The following ZNF296 variants were observed in gnomAD, a reference collection of about 807,000 sequenced individuals.
ZNF296 encodes zinc finger protein 342.
A neutral mutation model predicts 13.2 loss-of-function variants in ZNF296; 1 was observed. The ratio of observed to expected loss-of-function variants is 0.08; its 90% CI spans 0.03 to 0.36. ZNF296 has a LOEUF of 0.36. ZNF296 is among the 10% of genes least tolerant of loss of function. The pLI, the probability that ZNF296 is intolerant of heterozygous loss-of-function variation, is 0.99. For synonymous variants in ZNF296, 303 were observed against 289.0 expected (o/e 1.05, Z -0.49); for missense variants, 555 against 688.2 (o/e 0.81, Z 2.16).
Position 45,076,020 on chromosome 19 carries a change from G to C in ZNF296, c.298+56C>G, listed in dbSNP as rs1967340357. The C allele has an allele frequency of 1.9e-6, 3 of 1,570,496 alleles. No individual in the cohort carries two copies. Among genetic ancestry groups the C allele is most frequent in the Non-Finnish European group, 2.6e-6 (3 of 1,163,048 alleles). Reference sequence around the variant, plus strand: ...GAGGGGCCCATGCCCAAAGGGAAGGGTCCCACCCGAGGGTCAAAGGTAAGG... The same window carrying C: ...GAGGGGCCCATGCCCAAAGGGAAGGCTCCCACCCGAGGGTCAAAGGTAAGG... On this transcript the variant is annotated intron_variant, in intron 1 of 2. Coordinates refer to ENST00000303809, the MANE Select transcript of ZNF296 (RefSeq NM_145288.3). The surrounding 1 kb of genome is among the most constrained non-coding windows in gnomAD (Gnocchi z 4.9).
rs1965643855 is a variant in ZNF296, at chr19:45,071,787, G to A, written c.1242C>T (p.Tyr414=). 4 of 1,611,246 alleles carry A rather than the reference G, an allele frequency of 2.5e-6. No individual in the cohort carries two copies. Among genetic ancestry groups the A allele is most frequent in the Admixed American group, 1.7e-5 (1 of 59,664 alleles). ...HRRSHTGERP[Y]TCEFCNYACA... ...AGGCGTAGTTGCAGAACTCACAGGT[G>A]TAGGGGCGCTCCCCGGTGTGTGAGC... The change falls in exon 3 of 3, where the codon TAC becomes TAT. Residue 414 remains tyrosine, a synonymous_variant. Transcript: ENST00000303809.
Position 45,071,906 on chromosome 19 carries a change from G to C in ZNF296, c.1123C>G (p.Pro375Ala). ...NSQKASPKKM[P>A]KSGGKSRGPG... The stretch of plus-strand genomic sequence containing the variant: ...CCGCGGCTCTTGCCCCCTGACTTGG[G>C]CATCTTTTTGGGTGATGCCTTCTGG... The change falls in exon 3 of 3, where the codon CCC (proline) becomes GCC (alanine). Residue 375 changes from proline to alanine, a missense_variant. By Grantham distance (27) the Pro-to-Ala change is conservative. Transcript: ENST00000303809. 1 of 1,613,494 alleles carries C rather than the reference G, an allele frequency of 6.2e-7. No homozygotes were observed. The highest frequency in any genetic ancestry group is 8.5e-7 in the Non-Finnish European group (1 of 1,180,020).
chr19:45,071,924 C>T lies in ZNF296; in HGVS notation c.1105G>A (p.Ala369Thr). The change falls in exon 3 of 3, where the codon GCA becomes ACA. Residue 369 changes from alanine (A) to threonine (T), a missense_variant. Physicochemically the swap from Ala to Thr is moderately conservative, Grantham distance 58. Coordinates refer to ENST00000303809, the MANE Select transcript of ZNF296 (RefSeq NM_145288.3). ...QRTDPANSQK[A>T]SPKKMPKSGG... ...GACTTGGGCATCTTTTTGGGTGATG[C>T]CTTCTGGCTGTTTGCAGGGTCAGTT... is the stretch of plus-strand genomic sequence containing the variant. 2 of 1,613,672 alleles carry T rather than the reference C, an allele frequency of 1.2e-6. No individual in the cohort carries two copies. Among genetic ancestry groups the T allele is most frequent in the East Asian group, 2.2e-5 (1 of 44,868 alleles).
intron 2 of ZNF296, 100 bp from the exon 3 acceptor site, chr19:45,072,680 C>A: frequency 6.4e-6 from 9 of 1,395,392 alleles, no homozygotes; most frequent in Non-Finnish European, 1.9e-6. Flanking sequence ...TTGGCAGTAA[C>A]AAGACACACA....
chr19:45,073,527 GGTCGC>G (rs1466607845), intron 2 of ZNF296, among the ~76,000 whole-genome samples: 2 of 150,618 alleles, frequency 1.3e-5, no homozygotes. Context: ...TAGCCAGGAT[GGTCGC>G]GATCTCCTGA....
rs752688112 is a variant in ZNF296 at position 45,072,038 on chromosome 19, C to G, written c.991G>C (p.Ala331Pro). The change falls in exon 3 of 3, where the codon GCA becomes CCA. Residue 331 changes from alanine (A) to proline (P), a missense_variant. Around this residue, in one of 3 missense-constraint regions of ZNF296, gnomAD observed 410 missense variants for 548.0 expected, o/e 0.75. Coordinates refer to ENST00000303809, the MANE Select transcript of ZNF296 (RefSeq NM_145288.3). ...GGAGCCCCGGGTTCCTGGACACCTG[C>G]TGTGGCGGCGGCTCCAGCCCCCTCA... is the stretch of plus-strand genomic sequence containing the variant. ...GGEGAGAAAT[A>P]GVQEPGAPGS... The G allele has an allele frequency of 1.2e-6, 2 of 1,612,976 alleles. No homozygotes were observed. Among genetic ancestry groups the G allele is most frequent in the Non-Finnish European group, 1.7e-6 (2 of 1,179,984 alleles).
Position 45,076,438 on chromosome 19 carries a change from A to C in ZNF296, c.-65T>G. The C allele has an allele frequency of 8.7e-7, 1 of 1,152,350 alleles. No individual in the cohort carries two copies. Among genetic ancestry groups the C allele is most frequent in the Non-Finnish European group, 1.1e-6 (1 of 919,666 alleles). The allele number at this position is 1,152,350 out of a possible 1,614,324, so 71.4% of individuals were successfully genotyped here. ...CAGGCGGGCGGGCGGAGGACGCACG[A>C]GCGGAGGACGCGCGGACCGTGCGCG... is the stretch of plus-strand genomic sequence containing the variant. On this transcript the variant is annotated 5_prime_UTR_variant, in exon 1 of 3. Coordinates refer to ENST00000303809, the MANE Select transcript of ZNF296 (RefSeq NM_145288.3). This position sits in a 1 kb window ranked among gnomAD's most constrained non-coding sequence, Gnocchi z 4.9.
In ZNF296 at chr19:45,076,193, G is replaced by A; in HGVS notation, c.181C>T (p.Arg61Trp). The A allele has an allele frequency of 3.3e-6, 5 of 1,503,740 alleles. No individual in the cohort carries two copies. Among genetic ancestry groups the A allele is most frequent in the Non-Finnish European group, 4.4e-6 (5 of 1,129,648 alleles). The allele number at this position is 1,503,740 out of a possible 1,614,324, so 93.1% of individuals were successfully genotyped here. Residue 61 changes from arginine (R) to tryptophan (W), a missense_variant, in exon 1 of 3, where the codon CGG (arginine) becomes TGG (tryptophan). Transcript: ENST00000303809. This position sits in a 1 kb window ranked among gnomAD's most constrained non-coding sequence, Gnocchi z 4.9. The part of the protein sequence containing the change: ...FSPKEVSSAG[R>W]FGGEPHHSPG... ...GAGTGGTGGGGTTCGCCGCCGAACC[G>A]CCCCGCCGAGGACACCTCCTTCGGG...
Position 45,072,280 on chromosome 19 carries a change from A to G in ZNF296, c.749T>C (p.Met250Thr), listed in dbSNP as rs372438938. The G allele has an allele frequency of 3.1e-6, 5 of 1,613,516 alleles. No individual in the cohort carries two copies. In the African/African-American group the frequency reaches 5.3e-5, roughly 17 times the overall value. The change falls in exon 3 of 3, where the codon ATG becomes ACG. Residue 250 changes from methionine (M) to threonine (T), a missense_variant. Around this residue, in one of 3 missense-constraint regions of ZNF296, gnomAD observed 410 missense variants for 548.0 expected, o/e 0.75. Coordinates refer to ENST00000303809, the MANE Select transcript of ZNF296 (RefSeq NM_145288.3). ...GGGCCGCTCGCCTGTGTGTGAGCGCATGTGCACTTTGAGGTTGCTGAAGGA... is the reference window on the plus strand; with the variant it reads ...GGGCCGCTCGCCTGTGTGTGAGCGCGTGTGCACTTTGAGGTTGCTGAAGGA... ...LSSFSNLKVH[M>T]RSHTGERPYA...
intron 2 of ZNF296, among the ~76,000 whole-genome samples, chr19:45,075,133 C>G (rs1251438339): frequency 2.0e-5 from 3 of 152,222 alleles, no homozygotes; most frequent in Non-Finnish European, 2.9e-5. Flanking sequence ...ACCCGGGTGT[C>G]CAGCACCCGG....
Position 45,072,234 on chromosome 19 carries a change from G to C in ZNF296, c.795C>G (p.Pro265=), listed in dbSNP as rs556875398. 3 of 1,613,398 alleles carry C rather than the reference G, an allele frequency of 1.9e-6. No individual in the cohort carries two copies. In the South Asian group the frequency reaches 3.3e-5, roughly 18 times the overall value. Residue 265 remains proline, a synonymous_variant, in exon 3 of 3, where the codon CCC becomes CCG. Coordinates refer to ENST00000303809, the MANE Select transcript of ZNF296 (RefSeq NM_145288.3). Reference sequence around the variant, plus strand: ...GCTTGCTGCTCTGGGCGCAGGCGTAGGGACACTGGTCGCAAGCATAGGGCC... The same window carrying C: ...GCTTGCTGCTCTGGGCGCAGGCGTACGGACACTGGTCGCAAGCATAGGGCC... ...GERPYACDQC[P]YACAQSSKLN...
At position 45,075,726 on chromosome 19, in the gene ZNF296, G is replaced by A; in HGVS notation, c.435C>T (p.Arg145=). ...GGCTTTACTCACCTGAGCCCTGGCC[G>A]CGGCTGGGGCCTCTGAAGAGCTGAC... is the stretch of plus-strand genomic sequence containing the variant. The part of the protein sequence containing the change: ...LGCQLFRGPS[R]GQGSEREELK... The change falls in exon 2 of 3, where the codon CGC becomes CGT. Residue 145 remains arginine, a synonymous_variant. Transcript: ENST00000303809. 1 of 1,614,020 alleles carries A rather than the reference G, an allele frequency of 6.2e-7. No individual in the cohort carries two copies.
intron 2 of ZNF296, among the ~76,000 whole-genome samples, chr19:45,073,480 C>T (rs1600124397): frequency 1.3e-5 from 2 of 150,420 alleles, no homozygotes; most frequent in African/African-American, 2.5e-5. Context: ...ACGCCATTCT[C>T]CTGCCTCAGC....
chr19:45,071,753 T>G lies in ZNF296; in HGVS notation c.1276A>C (p.Ser426Arg). 1 of 1,612,190 alleles carries G rather than the reference T, an allele frequency of 6.2e-7. No homozygotes were observed. The highest frequency in any genetic ancestry group is 8.5e-7 in the Non-Finnish European group (1 of 1,179,116). ...CGGCGGTGGCGGTTGAGCTTACTGC[T>G]CTGGGCGCAGGCGTAGTTGCAGAAC... ...CEFCNYACAQ[S>R]SKLNRHRRMH... The change falls in exon 3 of 3, where the codon AGC becomes CGC. Residue 426 changes from serine to arginine, a missense_variant. Physicochemically the swap from Ser to Arg is moderately radical, Grantham distance 110 (BLOSUM62 -1). Around this residue, in one of 3 missense-constraint regions of ZNF296, gnomAD observed 410 missense variants for 548.0 expected, o/e 0.75. Transcript: ENST00000303809.
Position 45,071,839 on chromosome 19 carries a change from T to C in ZNF296, c.1190A>G (p.Asn397Ser). The change falls in exon 3 of 3, where the codon AAC becomes AGC. Residue 397 changes from asparagine (N) to serine (S), a missense_variant. By Grantham distance (46) the Asn-to-Ser change is conservative. Around this residue, in one of 3 missense-constraint regions of ZNF296, gnomAD observed 410 missense variants for 548.0 expected, o/e 0.75. Coordinates refer to ENST00000303809, the MANE Select transcript of ZNF296 (RefSeq NM_145288.3). The part of the protein sequence containing the change: ...SCEFCGKHFT[N>S]SSNLTVHRRS... ...CCGGTGCACCGTCAGGTTGCTGCTG[T>C]TGGTAAAATGCTTCCCGCAGAACTC... 1 of 1,612,378 alleles carries C rather than the reference T, an allele frequency of 6.2e-7. No homozygotes were observed. The highest frequency in any genetic ancestry group is 8.5e-7 in the Non-Finnish European group (1 of 1,179,706).
Position 45,071,513 on chromosome 19 carries a change from A to C in ZNF296, c.*88T>G. On this transcript the variant is annotated 3_prime_UTR_variant, in exon 3 of 3. Coordinates refer to ENST00000303809, the MANE Select transcript of ZNF296 (RefSeq NM_145288.3). ...TCCAGACGGGTGTAAATAAAAGGGAAAATTTACTTGGAGAAGGCGGGCAAA... is the reference window on the plus strand; with the variant it reads ...TCCAGACGGGTGTAAATAAAAGGGACAATTTACTTGGAGAAGGCGGGCAAA... 1 of 1,486,540 alleles carries C rather than the reference A, an allele frequency of 6.7e-7. No individual in the cohort carries two copies. Among genetic ancestry groups the C allele is most frequent in the Non-Finnish European group, 8.9e-7 (1 of 1,124,994 alleles). The allele number at this position is 1,486,540 out of a possible 1,614,324, so 92.1% of individuals were successfully genotyped here.
At position 45,071,784 on chromosome 19, in the gene ZNF296, G is replaced by T. The variant is rs1258998824; in HGVS notation, c.1245C>A (p.Thr415=). 1.4e-5 allele frequency: 23 copies of T among 1,610,380 alleles called. No homozygotes were observed. Among genetic ancestry groups the T allele is most frequent in the Non-Finnish European group, 1.8e-5 (21 of 1,178,994 alleles). Residue 415 remains threonine (T), a synonymous_variant, in exon 3 of 3, where the codon ACC becomes ACA. Transcript: ENST00000303809. ...RRSHTGERPY[T]CEFCNYACAQ... is the part of the protein sequence containing the mutation. ...CGCAGGCGTAGTTGCAGAACTCACAGGTGTAGGGGCGCTCCCCGGTGTGTG... is the reference window on the plus strand; with the variant it reads ...CGCAGGCGTAGTTGCAGAACTCACATGTGTAGGGGCGCTCCCCGGTGTGTG...
At position 45,076,420 on chromosome 19, in the gene ZNF296, G is replaced by A; in HGVS notation, c.-47C>T. 2 of 1,212,964 alleles carry A rather than the reference G, an allele frequency of 1.6e-6. No individual in the cohort carries two copies. Among genetic ancestry groups the A allele is most frequent in the Non-Finnish European group, 1.0e-6 (1 of 971,942 alleles). 75.1% of individuals were successfully genotyped at this position (1,212,964 alleles called of 1,614,324 possible). The stretch of plus-strand genomic sequence containing the variant: ...AGCGGGCGGGCAGGCAGGCAGGCGG[G>A]CGGGCGGAGGACGCACGAGCGGAGG... On this transcript the variant is annotated 5_prime_UTR_variant, in exon 1 of 3. Transcript: ENST00000303809. This position sits in a 1 kb window ranked among gnomAD's most constrained non-coding sequence, Gnocchi z 4.9.
intron 2 of ZNF296, among the ~76,000 whole-genome samples, chr19:45,073,704 G>C (rs1174515398): frequency 6.6e-6 from 1 of 151,720 alleles, no homozygotes; most frequent in Admixed American, 6.6e-5. Context: ...ACCATACCTG[G>C]CTGGGAGCAG....
Sources: allele counts gnomAD v4.1 joint callset (sites outside exome capture counted in the v4.1 genomes callset), GRCh38; gene constraint gnomAD v4.1.1; regional missense constraint gnomAD v4.1.1; non-coding constraint Gnocchi (gnomAD v3.1); transcripts MANE v1.5; gene names NCBI Gene and HGNC (gene_info 2026-07-23, HGNC 2026-07-21).